Variants in RAPGEF4 observed in about 807,000 individuals in gnomAD.
The protein encoded by RAPGEF4 is Rap guanine nucleotide exchange factor 4.
In RAPGEF4, 66 loss-of-function variants were observed where a neutral mutation model predicts 147.9. That is an observed-to-expected ratio of 0.45 (90% CI 0.37 to 0.55). The LOEUF is 0.55. RAPGEF4 is among the 20% of genes least tolerant of loss of function. The pLI is 0.00. For missense variants in RAPGEF4, 1,071 were observed against 1,257.3 expected, an observed-to-expected ratio of 0.85 and a Z score of 2.24; for synonymous variants, 419 against 442.7, an observed-to-expected ratio of 0.95 and a Z score of 0.67.
At chr2:173,033,599 A>G (rs1012044148) in intron 26 of RAPGEF4, among the ~76,000 whole-genome samples, 4 of 152,172 alleles carry the variant, frequency 2.6e-5, no homozygotes. Context: ...GGGGGGAGGT[A>G]TATTCAGACT....
chr2:172,982,119 T>A (rs990657816), intron 10 of RAPGEF4, among the ~76,000 whole-genome samples: 1 of 152,222 alleles, frequency 6.6e-6, no homozygotes, highest in African/African-American at 2.4e-5. Flanking sequence ...TTGCACTGAT[T>A]TTAAACTTGA....
intron 24 of RAPGEF4, 134 bp from the exon 25 acceptor site, chr2:173,026,947 C>G: frequency 1.1e-6 from 1 of 872,490 alleles, no homozygotes; most frequent in East Asian, 2.8e-5. Flanking sequence ...ATTTAACAAA[C>G]CTCATGGAAG....
rs181561803 is a variant in RAPGEF4 at position 173,013,398 on chromosome 2, T to C, written c.1659-1066T>C. ...CCATTTATGCTTCTTTAGTTTCAGT[T>C]TGTTCACTTATAGAAATGGAGCGAC... is the stretch of plus-strand genomic sequence containing the variant. On this transcript the variant is annotated intron_variant, in intron 17 of 30. Transcript: ENST00000397081. 2.0e-3 allele frequency among the ~76,000 whole-genome samples: 303 copies of C among 152,356 alleles called. 3 individuals are homozygous for C. Among genetic ancestry groups the C allele is most frequent in the Middle Eastern group, 0.01 (3 of 294 alleles).
At chr2:172,963,578 A>T (rs994008749) in intron 8 of RAPGEF4, among the ~76,000 whole-genome samples, 1 of 152,194 alleles carries the variant, frequency 6.6e-6, no homozygotes, top group African/African-American at 2.4e-5. Context: ...CCATTGTACT[A>T]AGATTTTAAA....
chr2:172,928,179 C>G (rs773970611), intron 6 of RAPGEF4: 1 of 455,072 alleles, frequency 2.2e-6, no homozygotes, highest in Non-Finnish European at 4.4e-6. Flanking sequence ...GTGCCAAGAA[C>G]AACTTCAGCT....
rs547542370 is a variant in RAPGEF4, at chr2:172,969,148, C to A, written c.1004+1704C>A. Among the ~76,000 whole-genome samples, 15 of 152,304 alleles carry A rather than the reference C, an allele frequency of 9.8e-5. No homozygotes were observed. The South Asian group carries it at 3.1e-3, about 32-fold the overall frequency. ...AAAGAGCTGTCCTGAGAACAATGCC[C>A]GTGTGGAGAAATATTGCAGTCAACC... On this transcript the variant is annotated intron_variant, in intron 10 of 30. Transcript: ENST00000397081.
intron 4 of RAPGEF4, among the ~76,000 whole-genome samples, chr2:172,903,937 T>A (rs1304329951): frequency 6.6e-6 from 1 of 152,092 alleles, no homozygotes; most frequent in Non-Finnish European, 1.5e-5. Context: ...CTCAATCCCC[T>A]CTACCTGGCA....
At chr2:173,017,369 A>G in intron 20 of RAPGEF4, 57 bp from the exon 21 acceptor site, 1 of 1,535,976 alleles carries the variant, frequency 6.5e-7, no homozygotes, top group Non-Finnish European at 9.0e-7. Flanking sequence ...CTTCTCTGAG[A>G]TGCTAGCATG....
intron 4 of RAPGEF4, among the ~76,000 whole-genome samples, chr2:172,838,060 C>G (rs765332578): frequency 2.0e-5 from 3 of 152,058 alleles, no homozygotes; most frequent in African/African-American, 4.8e-5. Context: ...AAAAGAGCAC[C>G]CTCTTAGAAT....
At chr2:172,978,073 CCT>C (rs1691275931) in intron 10 of RAPGEF4, among the ~76,000 whole-genome samples, 1 of 152,162 alleles carries the variant, frequency 6.6e-6, no homozygotes, top group South Asian at 2.1e-4. Flanking sequence ...CTGTTGTGGA[CCT>C]CTCTGAGGCA....
At chr2:172,825,995 A>G (rs554604481) in intron 4 of RAPGEF4, among the ~76,000 whole-genome samples, 7 of 152,184 alleles carry the variant, frequency 4.6e-5, no homozygotes, top group Non-Finnish European at 7.3e-5. Flanking sequence ...CCTCTGTGTA[A>G]ACCTTATTTT....
At chr2:172,832,804 T>A (rs2149676170) in intron 4 of RAPGEF4, among the ~76,000 whole-genome samples, 1 of 152,350 alleles carries the variant, frequency 6.6e-6, no homozygotes, top group South Asian at 2.1e-4. Context: ...GAAGTATAGG[T>A]TGCCCTATCT....
At chr2:173,048,414 A>G (rs1360796244) in intron 29 of RAPGEF4, 186 bp from the exon 30 acceptor site, 2 of 1,323,372 alleles carry the variant, frequency 1.5e-6, no homozygotes, top group Non-Finnish European at 2.0e-6. Flanking sequence ...CCTTGTATGT[A>G]TGTGGGTACC....
chr2:172,988,395 C>A, intron 13 of RAPGEF4, 123 bp downstream of exon 13: 1 of 1,428,884 alleles, frequency 7.0e-7, no homozygotes, highest in Non-Finnish European at 9.2e-7. Flanking sequence ...GTAGAAAAGA[C>A]ATTATTGTAT....
chr2:172,992,651 A>G (rs1692939732), intron 15 of RAPGEF4, among the ~76,000 whole-genome samples: 1 of 152,238 alleles, frequency 6.6e-6, no homozygotes, highest in Non-Finnish European at 1.5e-5. Flanking sequence ...TCAAACTAAA[A>G]GGAATGGAAA....
chr2:172,897,282 A>G (rs1698576185), intron 4 of RAPGEF4, among the ~76,000 whole-genome samples: 1 of 152,074 alleles, frequency 6.6e-6, no homozygotes, highest in Admixed American at 6.6e-5. Flanking sequence ...TATTATTCCA[A>G]AAAGACACCC....
intron 4 of RAPGEF4, among the ~76,000 whole-genome samples, chr2:172,911,693 A>T (rs1426434437): frequency 6.6e-6 from 1 of 150,754 alleles, no homozygotes; most frequent in Non-Finnish European, 1.5e-5. Context: ...TCCTGACCTC[A>T]AGTGATCTGC....
intron 6 of RAPGEF4, 54 bp from the exon 7 acceptor site, chr2:172,960,706 T>C: frequency 7.5e-7 from 1 of 1,327,794 alleles, no homozygotes; most frequent in East Asian, 2.4e-5. Context: ...CCCATAATTT[T>C]CTTCAGTGAA....
At chr2:172,932,436 C>T (rs781393610) in intron 6 of RAPGEF4, among the ~76,000 whole-genome samples, 3 of 152,316 alleles carry the variant, frequency 2.0e-5, no homozygotes, top group East Asian at 1.9e-4. Context: ...TTATGGAATG[C>T]ATACAGTGTA....
Sources: gnomAD v4.1 joint callset for allele counts (sites outside exome capture counted in the v4.1 genomes callset) on GRCh38, gnomAD v4.1.1 for gene constraint, MANE v1.5 for transcripts, NCBI Gene and HGNC (gene_info 2026-07-23, HGNC 2026-07-21) for gene names.